Variants in PTGIR observed in about 807,000 individuals in gnomAD.
PTGIR encodes the protein prostacyclin receptor.
PTGIR carries 16 observed loss-of-function variants against 17.6 expected under a neutral mutation model. That is an observed-to-expected ratio of 0.91 (90% confidence interval 0.61 to 1.38). The LOEUF (loss-of-function observed/expected upper bound fraction) is 1.38. Ranked by LOEUF, PTGIR falls within the 40% of genes most tolerant of loss-of-function variation. The probability of loss-of-function intolerance (pLI) is 0.00; values close to 1 mark genes in which losing one functional copy is unlikely to be tolerated. For missense variants in PTGIR, 532 were observed against 548.6 expected (o/e 0.97, Z 0.30); for synonymous variants, 274 against 255.4 (o/e 1.07, Z -0.69).
the PTGIR span, among the ~76,000 whole-genome samples, chr19:46,611,973 G>A: frequency 2.0e-5 from 3 of 152,234 alleles, no homozygotes; most frequent in Non-Finnish European, 2.9e-5. Flanking sequence ...CAATCCCAGG[G>A]CCCTCCTTGT....
rs755810549 is a variant in PTGIR, at chr19:46,623,659, G to A, written c.567C>T (p.Ala189=). Reference sequence around the variant, plus strand: ...CAGCCACCAGCAGGGCCACCAGGCCGGCGTAGGCCAGCGAGAAGGCGGCGC... The same window carrying A: ...CAGCCACCAGCAGGGCCACCAGGCCAGCGTAGGCCAGCGAGAAGGCGGCGC... ...PGGAAFSLAY[A]GLVALLVAAI... Residue 189 remains alanine, a synonymous_variant, in exon 2 of 3, where the codon GCC becomes GCT. Transcript: ENST00000291294. The A allele has an allele frequency of 1.6e-5, 25 of 1,548,678 alleles. No individual in the cohort carries two copies. Among genetic ancestry groups the A allele is most frequent in the African/African-American group, 5.4e-5 (4 of 73,522 alleles).
Position 46,623,944 on chromosome 19 carries a change from G to A in PTGIR, c.282C>T (p.Ala94=), listed in dbSNP as rs1239466844. 5 of 1,596,190 alleles carry A rather than the reference G, an allele frequency of 3.1e-6. No individual in the cohort carries two copies. Among genetic ancestry groups the A allele is most frequent in the Admixed American group, 1.7e-5 (1 of 58,232 alleles). The change falls in exon 2 of 3, where the codon GCC becomes GCT. Residue 94 remains alanine, a synonymous_variant. Coordinates refer to ENST00000291294, the MANE Select transcript of PTGIR (RefSeq NM_000960.4). ...LARGGPALCD[A]FAFAMTFFGL... The stretch of plus-strand genomic sequence containing the variant: ...CGAAGAAGGTCATGGCGAAGGCGAA[G>A]GCATCGCACAGGGCGGGGCCGCCTC...
chr19:46,615,797 C>G (rs945692277), downstream of PTGIR, among the ~76,000 whole-genome samples: 1 of 151,116 alleles, frequency 6.6e-6, no homozygotes, highest in Non-Finnish European at 1.5e-5. Flanking sequence ...TGAGCCCCCA[C>G]GCCCAGCCAA....
chr19:46,616,093 C>T (rs148733829), downstream of PTGIR, among the ~76,000 whole-genome samples: 1,151 of 152,218 alleles, frequency 7.6e-3, 14 homozygotes, highest in African/African-American at 0.026. Context: ...TGAGCCACTG[C>T]GCACGACCTT....
At chr19:46,622,489 C>T in intron 2 of PTGIR, 1 of 796,286 alleles carries the variant, frequency 1.3e-6, no homozygotes. Context: ...ATCTGTAAGC[C>T]ACTAAGCACG....
chr19:46,624,285 C>A (rs1046861572), intron 1 of PTGIR, 48 bp from the exon 2 acceptor site: 4 of 1,404,768 alleles, frequency 2.8e-6, no homozygotes. Context: ...GGGCTACCCC[C>A]ACCACCCAGC....
rs201506935 is a variant in PTGIR, at chr19:46,621,084, G to A, written c.*196C>T. 2.8e-5 allele frequency: 36 copies of A among 1,274,388 alleles called. No individual in the cohort carries two copies. Among genetic ancestry groups the A allele is most frequent in the Middle Eastern group, 5.9e-4 (2 of 3,376 alleles). The allele number at this position is 1,274,388 out of a possible 1,614,324, so 78.9% of individuals were successfully genotyped here. ...AGAGAACCATTCTTTCTGCACTCCA[G>A]GATAAACGTTTCCTCTGTCCCTCAC... is the stretch of plus-strand genomic sequence containing the variant. On this transcript the variant is annotated 3_prime_UTR_variant, in exon 3 of 3. Coordinates refer to ENST00000291294, the MANE Select transcript of PTGIR (RefSeq NM_000960.4). This position sits in a 1 kb window ranked among gnomAD's most constrained non-coding sequence, Gnocchi z 4.8.
chr19:46,619,547 AAGAGAGAGAGAGAGAG>A (rs200797814), downstream of PTGIR, among the ~76,000 whole-genome samples: 69 of 87,910 alleles, frequency 7.8e-4, no homozygotes, highest in East Asian at 2.8e-3. Context: ...GAAAGAAAGA[AAGAGAGAGAGAGAGAG>A]AGAGAGAGAG....
chr19:46,617,604 C>T (rs930584394), downstream of PTGIR, among the ~76,000 whole-genome samples: 4 of 152,216 alleles, frequency 2.6e-5, no homozygotes, highest in South Asian at 2.1e-4. Context: ...CAACGCTCAG[C>T]TCTGCCTGGT....
At chr19:46,613,729 A>G in the PTGIR span, among the ~76,000 whole-genome samples, 1 of 152,204 alleles carries the variant, frequency 6.6e-6, no homozygotes, top group Non-Finnish European at 1.5e-5. Context: ...GACCCTGCCC[A>G]GGCTTGCCGG....
chr19:46,615,251 C>G, the PTGIR span, among the ~76,000 whole-genome samples: 1 of 152,282 alleles, frequency 6.6e-6, no homozygotes, highest in East Asian at 1.9e-4. Context: ...TAATTATTTA[C>G]ATAGCATTTG....
intron 2 of PTGIR, 185 bp downstream of exon 2, chr19:46,623,273 A>G: frequency 1.5e-6 from 1 of 656,112 alleles, no homozygotes; most frequent in Non-Finnish European, 2.4e-6. Flanking sequence ...CTGGGATTAC[A>G]GGTGTGAGCC....
In PTGIR at chr19:46,621,250, G is replaced by A; in HGVS notation, c.*30C>T. On this transcript the variant is annotated 3_prime_UTR_variant, in exon 3 of 3. Transcript: ENST00000291294. The surrounding 1 kb of genome is among the most constrained non-coding windows in gnomAD (Gnocchi z 4.8). ...TTCTGGCTCCTGTCGCCCGAAGACA[G>A]GGCAGAGATCACAGGGTCAGCTTGA... 1.3e-6 allele frequency: 2 copies of A among 1,489,240 alleles called. No homozygotes were observed. The highest frequency in any genetic ancestry group is 2.3e-5 in the East Asian group (1 of 42,878). The allele number at this position is 1,489,240 out of a possible 1,614,324, so 92.3% of individuals were successfully genotyped here.
downstream of PTGIR, among the ~76,000 whole-genome samples, chr19:46,619,654 A>AAAGAAAGAAAG (rs1263434350): frequency 1.1e-5 from 1 of 89,222 alleles, no homozygotes; most frequent in Non-Finnish European, 2.4e-5. Context: ...AGAAAGAAAG[A>AAAGAAAGAAAG]AAAGAAAGAA....
downstream of PTGIR, among the ~76,000 whole-genome samples, chr19:46,617,722 C>G (rs1971982364): frequency 6.6e-6 from 1 of 152,174 alleles, no homozygotes. Flanking sequence ...AACCCCCCAT[C>G]CCTTCCTCAC....
chr19:46,618,900 C>T (rs929600991), downstream of PTGIR, among the ~76,000 whole-genome samples: 3 of 152,186 alleles, frequency 2.0e-5, no homozygotes, highest in African/African-American at 7.2e-5. Context: ...CGAACCAGAG[C>T]CAGGAGGTGG....
At position 46,621,045 on chromosome 19, in the gene PTGIR, C is replaced by G. The variant is rs199842130; in HGVS notation, c.*235G>C. 34 of 1,226,234 alleles carry G rather than the reference C, an allele frequency of 2.8e-5. No individual in the cohort carries two copies. The highest frequency in any genetic ancestry group is 3.0e-6 in the Non-Finnish European group (3 of 983,840). 76.0% of individuals were successfully genotyped at this position (1,226,234 alleles called of 1,614,324 possible). The stretch of plus-strand genomic sequence containing the variant: ...CAGGGCCAGAGCAGGTCGGCCAGGC[C>G]ACTGGTTATTTTGAGAGAACCATTC... On this transcript the variant is annotated 3_prime_UTR_variant, in exon 3 of 3. Transcript: ENST00000291294. The surrounding 1 kb of genome is among the most constrained non-coding windows in gnomAD (Gnocchi z 4.8).
At chr19:46,619,801 AT>A (rs1972033428), downstream of PTGIR, among the ~76,000 whole-genome samples, 1 of 151,968 alleles carries the variant, frequency 6.6e-6, no homozygotes, top group Admixed American at 6.6e-5. Context: ...CCAAGTGTGG[AT>A]TTTTTGTTTT....
At chr19:46,619,601 A>G (rs546250271), downstream of PTGIR, among the ~76,000 whole-genome samples, 33 of 95,732 alleles carry the variant, frequency 3.4e-4, no homozygotes, top group African/African-American at 1.2e-3. Context: ...GAAAAGAAAG[A>G]AAGGAAAGAA....
Sources: gnomAD v4.1 joint callset for allele counts (sites outside exome capture counted in the v4.1 genomes callset) on GRCh38, gnomAD v4.1.1 for gene constraint, Gnocchi (gnomAD v3.1) non-coding constraint, MANE v1.5 for transcripts, NCBI Gene and HGNC (gene_info 2026-07-23, HGNC 2026-07-21) for gene names.